Variants in CNTNAP2 observed in about 807,000 individuals in gnomAD.
CNTNAP2 encodes contactin-associated protein-like 2.
In CNTNAP2, 98 loss-of-function variants were observed where a neutral mutation model predicts 155.2. The observed-to-expected ratio is 0.63, with a 90% confidence interval of 0.54 to 0.75. CNTNAP2 has a LOEUF of 0.75. CNTNAP2 is among the 30% of genes least tolerant of loss of function. The pLI, the probability that CNTNAP2 is intolerant of heterozygous loss-of-function variation, is 0.00. For synonymous variants in CNTNAP2, 651 were observed against 631.2 expected (o/e 1.03, Z -0.47); for missense variants, 1,727 against 1,688.1 (o/e 1.02, Z -0.40).
At chr7:146,413,837 CT>C (rs559538082) in intron 1 of CNTNAP2, among the ~76,000 whole-genome samples, 2 of 151,908 alleles carry the variant, frequency 1.3e-5, no homozygotes, top group Non-Finnish European at 1.5e-5. Flanking sequence ...TTTTTCTTTT[CT>C]TTTTTTTCTT....
chr7:147,653,826 A>G (rs1472948260), intron 13 of CNTNAP2, among the ~76,000 whole-genome samples: 6 of 152,230 alleles, frequency 3.9e-5, no homozygotes, highest in Non-Finnish European at 8.8e-5. Flanking sequence ...TGTTAAAATC[A>G]ATTAATCTTT....
chr7:146,710,894 T>A (rs1801055328), intron 1 of CNTNAP2, among the ~76,000 whole-genome samples: 1 of 152,016 alleles, frequency 6.6e-6, no homozygotes, highest in South Asian at 2.1e-4. Context: ...TGGGAATCAT[T>A]AGCCAAGTTA....
At chr7:147,745,901 C>A (rs1168655960) in intron 13 of CNTNAP2, among the ~76,000 whole-genome samples, 1 of 152,186 alleles carries the variant, frequency 6.6e-6, no homozygotes, top group Non-Finnish European at 1.5e-5. Context: ...GTACAGGAAT[C>A]TTTAAAATCT....
At chr7:146,635,971 T>C (rs939045809) in intron 1 of CNTNAP2, among the ~76,000 whole-genome samples, 1 of 152,136 alleles carries the variant, frequency 6.6e-6, no homozygotes, top group African/African-American at 2.4e-5. Flanking sequence ...GCCTAAAGTA[T>C]TGCTTGCTCA....
At chr7:148,309,092 AG>A in intron 21 of CNTNAP2, among the ~76,000 whole-genome samples, 1 of 152,332 alleles carries the variant, frequency 6.6e-6, no homozygotes, top group Middle Eastern at 3.4e-3. Flanking sequence ...GTATATAGCC[AG>A]TAATGGGATT....
At chr7:146,483,120 C>CA (rs1390934648) in intron 1 of CNTNAP2, among the ~76,000 whole-genome samples, 1 of 149,708 alleles carries the variant, frequency 6.7e-6, no homozygotes, top group Non-Finnish European at 1.5e-5. Context: ...ACTAAAAATA[C>CA]AAAAAATTAG....
chr7:147,193,061 T>C (rs766066073), intron 8 of CNTNAP2, among the ~76,000 whole-genome samples: 6 of 152,212 alleles, frequency 3.9e-5, no homozygotes, highest in Non-Finnish European at 5.9e-5. Flanking sequence ...GGCTTCTTCA[T>C]TGTGTGACAA....
intron 21 of CNTNAP2, among the ~76,000 whole-genome samples, chr7:148,369,156 ATTTTTT>A (rs35057926): frequency 2.7e-5 from 3 of 111,838 alleles, no homozygotes; most frequent in African/African-American, 1.3e-4. Context: ...ATATTTTTAT[ATTTTTT>A]TTAATTAAAA....
intron 6 of CNTNAP2, chr7:147,121,383 G>A: frequency 2.1e-6 from 1 of 483,874 alleles, no homozygotes; most frequent in East Asian, 4.0e-5. Context: ...TAGTACCAAT[G>A]TAATAATTTG....
intron 5 of CNTNAP2, among the ~76,000 whole-genome samples, chr7:147,109,999 A>G (rs1011903654): frequency 6.6e-6 from 1 of 152,028 alleles, no homozygotes; most frequent in African/African-American, 2.4e-5. Flanking sequence ...ATCTCTGCTC[A>G]CTGCCACCTC....
chr7:146,905,046 G>T (rs1784560879), intron 3 of CNTNAP2, among the ~76,000 whole-genome samples: 1 of 152,110 alleles, frequency 6.6e-6, no homozygotes, highest in African/African-American at 2.4e-5. Context: ...ATAATTCCGT[G>T]TAGTGGGAGA....
intron 1 of CNTNAP2, among the ~76,000 whole-genome samples, chr7:146,410,229 T>C (rs1795846788): frequency 1.3e-5 from 2 of 152,216 alleles, no homozygotes; most frequent in South Asian, 4.1e-4. Context: ...TTCAACCTTT[T>C]ATTTTTGTAA....
intron 13 of CNTNAP2, among the ~76,000 whole-genome samples, chr7:147,760,445 A>T (rs1797282048): frequency 6.6e-6 from 1 of 152,222 alleles, no homozygotes; most frequent in African/African-American, 2.4e-5. Context: ...CACTTTGAGT[A>T]AACGAAGATA....
chr7:148,403,314 G>A (rs1166339939), intron 22 of CNTNAP2, among the ~76,000 whole-genome samples: 2 of 151,912 alleles, frequency 1.3e-5, no homozygotes, highest in Admixed American at 6.6e-5. Context: ...ACAAGGGCAC[G>A]TGCAAGGGAA....
intron 13 of CNTNAP2, among the ~76,000 whole-genome samples, chr7:147,869,739 T>TA (rs140029663): frequency 0.037 from 5,600 of 152,202 alleles, 175 homozygotes; most frequent in Middle Eastern, 0.061. Context: ...CCTTGCTTGA[T>TA]AAAAAAGCCT....
At position 148,371,149 on chromosome 7, in the gene CNTNAP2, C is replaced by A. The variant is rs532478597; in HGVS notation, c.3476-12500C>A. The stretch of plus-strand genomic sequence containing the variant: ...CAGGTCTCACTCTTAATTCCTAAAT[C>A]CCAAATAATTAACAAAAATACCAGA... On this transcript the variant is annotated intron_variant, in intron 21 of 23. Coordinates refer to ENST00000361727, the MANE Select transcript of CNTNAP2 (RefSeq NM_014141.6). 4.6e-5 allele frequency among the ~76,000 whole-genome samples: 7 copies of A among 152,212 alleles called. No individual in the cohort carries two copies. In the East Asian group the frequency reaches 1.4e-3, roughly 29 times the overall value.
At chr7:146,547,974 T>C (rs1292076153) in intron 1 of CNTNAP2, among the ~76,000 whole-genome samples, 1 of 151,896 alleles carries the variant, frequency 6.6e-6, no homozygotes, top group African/African-American at 2.4e-5. Context: ...TTTTCAACTT[T>C]TATTTTAAGT....
chr7:146,425,289 A>C (rs1292715818), intron 1 of CNTNAP2, among the ~76,000 whole-genome samples: 2 of 152,284 alleles, frequency 1.3e-5, no homozygotes, highest in East Asian at 3.9e-4. Context: ...GATGAGTATA[A>C]AACCCATTTT....
At chr7:147,720,552 T>G (rs1327421976) in intron 13 of CNTNAP2, among the ~76,000 whole-genome samples, 3 of 152,102 alleles carry the variant, frequency 2.0e-5, no homozygotes, top group Non-Finnish European at 4.4e-5. Flanking sequence ...CATCTTGAAT[T>G]GTAACCCCGT....
Sources: allele counts gnomAD v4.1 joint callset (sites outside exome capture counted in the v4.1 genomes callset), GRCh38; gene constraint gnomAD v4.1.1; transcripts MANE v1.5; gene names NCBI Gene and HGNC (gene_info 2026-07-23, HGNC 2026-07-21).